LSAMP: variants seen among roughly 807,000 people sequenced by gnomAD.
LSAMP encodes the protein limbic system associated membrane protein.
Under a neutral mutation model 38.6 loss-of-function variants are expected in LSAMP, and 7 were observed. The ratio of observed to expected loss-of-function variants is 0.18; its 90% CI spans 0.10 to 0.34. The LOEUF (loss-of-function observed/expected upper bound fraction) is 0.34, where lower values mean the gene tolerates loss of function less well. Ranked by LOEUF, LSAMP falls within the 10% of genes least tolerant of loss-of-function variation. LSAMP has a pLI of 1.00. For synonymous variants in LSAMP, 154 were observed against 166.8 expected (o/e 0.92, Z 0.59); for missense variants, 313 against 420.0 (o/e 0.75, Z 2.23).
At chr3:115,855,345 T>C (rs1935473077) in intron 3 of LSAMP, among the ~76,000 whole-genome samples, 1 of 152,190 alleles carries the variant, frequency 6.6e-6, no homozygotes, top group Non-Finnish European at 1.5e-5. Context: ...AATATAAGTA[T>C]TAGTAATCTC....
chr3:116,406,543 G>C (rs376031067), intron 1 of LSAMP, among the ~76,000 whole-genome samples: 6 of 151,596 alleles, frequency 4.0e-5, no homozygotes, highest in Non-Finnish European at 8.8e-5. Flanking sequence ...ATTTTTAATT[G>C]ATATTTAAAT....
intron 1 of LSAMP, among the ~76,000 whole-genome samples, chr3:116,415,265 GAGC>G (rs778174071): frequency 0.074 from 11,226 of 151,896 alleles, 435 homozygotes; most frequent in African/African-American, 0.096. Context: ...GAGATGGCTT[GAGC>G]TCATATGACA....
At chr3:116,432,438 C>A (rs979694550) in intron 1 of LSAMP, among the ~76,000 whole-genome samples, 3 of 151,572 alleles carry the variant, frequency 2.0e-5, no homozygotes, top group Admixed American at 6.6e-5. Context: ...CATAACAGAT[C>A]CTGTACAAAT....
chr3:115,896,994 C>T (rs1349782539), intron 3 of LSAMP, among the ~76,000 whole-genome samples: 1 of 152,092 alleles, frequency 6.6e-6, no homozygotes, highest in Non-Finnish European at 1.5e-5. Flanking sequence ...CTCCTTTCTT[C>T]TGTCAGTGAT....
At chr3:115,974,446 C>T (rs903251613) in intron 3 of LSAMP, among the ~76,000 whole-genome samples, 4 of 152,200 alleles carry the variant, frequency 2.6e-5, no homozygotes, top group African/African-American at 7.2e-5. Flanking sequence ...CCCAATCAAT[C>T]GAGCTGTATT....
intron 1 of LSAMP, among the ~76,000 whole-genome samples, chr3:116,379,481 G>C (rs2048531775): frequency 6.6e-6 from 1 of 151,994 alleles, no homozygotes; most frequent in Admixed American, 6.6e-5. Flanking sequence ...ATAGGCTGGG[G>C]CAGAAATGTC....
At chr3:116,313,523 G>T (rs184784724) in intron 1 of LSAMP, among the ~76,000 whole-genome samples, 2 of 152,322 alleles carry the variant, frequency 1.3e-5, no homozygotes, top group East Asian at 3.9e-4. Context: ...TCAAGTGAGG[G>T]CAAGCACCTT....
At chr3:116,300,846 G>C (rs1466672319) in intron 1 of LSAMP, among the ~76,000 whole-genome samples, 1 of 151,994 alleles carries the variant, frequency 6.6e-6, no homozygotes, top group Non-Finnish European at 1.5e-5. Flanking sequence ...ACATAAGTCG[G>C]CATGTAATAT....
intron 1 of LSAMP, among the ~76,000 whole-genome samples, chr3:116,263,129 C>A (rs1462458250): frequency 6.6e-6 from 1 of 152,162 alleles, no homozygotes; most frequent in African/African-American, 2.4e-5. Flanking sequence ...CGTGGGACCA[C>A]TTGTTTAATT....
At chr3:116,194,246 T>A (rs1024014617) in intron 1 of LSAMP, among the ~76,000 whole-genome samples, 1 of 152,002 alleles carries the variant, frequency 6.6e-6, no homozygotes, top group Admixed American at 6.5e-5. Context: ...AGACCTCAGA[T>A]AGAAATGCAG....
chr3:115,904,027 T>A (rs1311927331), intron 3 of LSAMP, among the ~76,000 whole-genome samples: 1 of 152,146 alleles, frequency 6.6e-6, no homozygotes, highest in African/African-American at 2.4e-5. Context: ...TTTCACTATC[T>A]GAAACATAAA....
At chr3:116,095,339 G>A (rs181643668) in intron 1 of LSAMP, among the ~76,000 whole-genome samples, 2 of 152,282 alleles carry the variant, frequency 1.3e-5, no homozygotes, top group East Asian at 3.9e-4. Flanking sequence ...CATGCTTTTT[G>A]TCTCTTACTA....
At chr3:116,128,914 C>G (rs187212092) in intron 1 of LSAMP, among the ~76,000 whole-genome samples, 109 of 152,114 alleles carry the variant, frequency 7.2e-4, no homozygotes, top group African/African-American at 2.5e-3. Context: ...CATATATTAC[C>G]TGAGTTAAGT....
chr3:116,077,888 G>A (rs967075729), intron 2 of LSAMP, among the ~76,000 whole-genome samples: 1 of 152,132 alleles, frequency 6.6e-6, no homozygotes, highest in African/African-American at 2.4e-5. Flanking sequence ...ATTTGTGTGT[G>A]CCCAATGTCG....
chr3:116,215,093 T>G (rs1474764870), intron 1 of LSAMP, among the ~76,000 whole-genome samples: 3 of 152,162 alleles, frequency 2.0e-5, no homozygotes, highest in African/African-American at 7.2e-5. Flanking sequence ...TGCGGACGGA[T>G]GGACCAAAAA....
At chr3:116,407,397 C>G (rs540555886) in intron 1 of LSAMP, among the ~76,000 whole-genome samples, 1 of 151,970 alleles carries the variant, frequency 6.6e-6, no homozygotes, top group Non-Finnish European at 1.5e-5. Flanking sequence ...ATTCTCAATA[C>G]TGATTATTGC....
At chr3:116,132,164 A>G (rs1387707420) in intron 1 of LSAMP, among the ~76,000 whole-genome samples, 1 of 151,994 alleles carries the variant, frequency 6.6e-6, no homozygotes, top group East Asian at 1.9e-4. Context: ...ACTCCTTTGA[A>G]CAATTGCTGC....
At chr3:116,257,873 A>G (rs990804304) in intron 1 of LSAMP, among the ~76,000 whole-genome samples, 6 of 152,122 alleles carry the variant, frequency 3.9e-5, no homozygotes. Context: ...CCGTTATTGA[A>G]ATTTTAAAAA....
intron 1 of LSAMP, among the ~76,000 whole-genome samples, chr3:116,313,206 T>G (rs1487812324): frequency 6.6e-6 from 1 of 152,216 alleles, no homozygotes; most frequent in Admixed American, 6.5e-5. Context: ...GTCCTTCAAT[T>G]AATCACCACA....
Sources: gnomAD v4.1 joint callset for allele counts (sites outside exome capture counted in the v4.1 genomes callset) on GRCh38, gnomAD v4.1.1 for gene constraint, MANE v1.5 for transcripts, NCBI Gene and HGNC (gene_info 2026-07-23, HGNC 2026-07-21) for gene names.